The following ZFYVE16 variants were observed in gnomAD, a reference collection of about 807,000 sequenced individuals.
ZFYVE16 encodes zinc finger FYVE-type containing 16, also known as zinc finger FYVE domain-containing protein 16.
Under a neutral mutation model 138.1 loss-of-function variants are expected in ZFYVE16, and 89 were observed. The ratio of observed to expected loss-of-function variants is 0.64; its 90% CI spans 0.54 to 0.77. The LOEUF (loss-of-function observed/expected upper bound fraction) is 0.77. Ranked by LOEUF, ZFYVE16 falls within the 30% of genes least tolerant of loss-of-function variation. ZFYVE16 has a pLI of 0.00. For synonymous variants in ZFYVE16, 596 were observed against 618.3 expected (o/e 0.96, Z 0.53); for missense variants, 1,793 against 1,786.7 (o/e 1.00, Z -0.06).
chr5:80,449,747 G>T, intron 9 of ZFYVE16, 34 bp downstream of exon 9: 2 of 1,548,274 alleles, frequency 1.3e-6, no homozygotes, highest in Non-Finnish European at 8.7e-7. Flanking sequence ...TGCTTAATTG[G>T]TAAGCAGGAT....
Position 80,448,308 on chromosome 5 carries a change from GA to G in ZFYVE16, c.3008del (p.Asp1003ValfsTer35). The G allele has an allele frequency of 6.2e-7, 1 of 1,612,496 alleles. No individual in the cohort carries two copies. On this transcript the variant is annotated frameshift_variant, in exon 8 of 19. Coordinates refer to ENST00000505560, the MANE Select transcript of ZFYVE16 (RefSeq NM_001284236.3). LOFTEE classifies it high-confidence loss of function. Reference protein sequence around the residue: ...ASISDYRLLCDINKYVCNKIS... With the variant: ...ASISDYRLLCXINKYVCNKIS... ...TATTTCAGATTATAGGTTACTGTGT[GA>G]TATTAACAAGTATGTCTGCAATAAG...
At position 80,479,446 on chromosome 5, in the gene ZFYVE16, G is replaced by A. The variant is rs780288904; in HGVS notation, c.*2069G>A. ...CAAAAATTTCTAAAAATGATTAATT[G>A]TTCTGACAGAATTAGGCGTAGTTCT... On this transcript the variant is annotated 3_prime_UTR_variant, in exon 19 of 19. Transcript: ENST00000505560. The A allele has an allele frequency of 2.0e-5, 3 of 152,182 alleles. No individual in the cohort carries two copies. The highest frequency in any genetic ancestry group is 2.9e-5 in the Non-Finnish European group (2 of 68,014). 9.4% of individuals were successfully genotyped at this position (152,182 alleles called of 1,614,324 possible).
At chr5:80,449,876 C>T (rs964564725) in intron 9 of ZFYVE16, among the ~76,000 whole-genome samples, 163 bp downstream of exon 9, 3 of 152,058 alleles carry the variant, frequency 2.0e-5, no homozygotes, top group African/African-American at 7.2e-5. Context: ...AATTTATGTT[C>T]AGTAGGACTT....
At chr5:80,422,854 G>T (rs928855350) in intron 1 of ZFYVE16, among the ~76,000 whole-genome samples, 1 of 152,118 alleles carries the variant, frequency 6.6e-6, no homozygotes, top group Non-Finnish European at 1.5e-5. Flanking sequence ...TGTTGAACCA[G>T]CCTTGCATAC....
In ZFYVE16 at chr5:80,449,586, T is replaced by C; in HGVS notation, c.3104-5T>C. ...CCTGATTAATATATTACTTTCATCA[T>C]TTAGTGCCTGTAGTAGAAGAACATC... On this transcript the variant is annotated splice_polypyrimidine_tract_variant and splice_region_variant and intron_variant, in intron 8 of 18. Coordinates refer to ENST00000505560, the MANE Select transcript of ZFYVE16 (RefSeq NM_001284236.3). 1 of 1,604,222 alleles carries C rather than the reference T, an allele frequency of 6.2e-7. No individual in the cohort carries two copies. The highest frequency in any genetic ancestry group is 1.1e-5 in the South Asian group (1 of 88,964).
rs2112476844 is a variant in ZFYVE16, at chr5:80,456,500, C to T, written c.3730C>T (p.Gln1244Ter). The T allele has an allele frequency of 6.2e-7, 1 of 1,612,934 alleles. No homozygotes were observed. Among genetic ancestry groups the T allele is most frequent in the Middle Eastern group, 1.7e-4 (1 of 6,054 alleles). The change falls in exon 13 of 19, where the codon CAA becomes TAA. Residue 1244 changes from glutamine (Q) to a stop codon, truncating the protein, a stop_gained. Coordinates refer to ENST00000505560, the MANE Select transcript of ZFYVE16 (RefSeq NM_001284236.3). LOFTEE classifies it high-confidence loss of function. ...CCAGTATACCTTGCATAATATAGAT[C>T]AACTGTTGATTCATATGGAAATGGG... The part of the protein sequence containing the change: ...NYQYTLHNID[Q>*]LLIHMEMGKS...
In ZFYVE16 at chr5:80,437,657, C is replaced by A. The variant is rs138549732; in HGVS notation, c.972C>A (p.Phe324Leu). The A allele has an allele frequency of 7.4e-6, 12 of 1,611,320 alleles. No individual in the cohort carries two copies. In the African/African-American group the frequency reaches 1.6e-4, roughly 22 times the overall value. ...ATTCAAATTCAAGAGATGAAAATTTCAAATTACCTGACTTTTCCTTTCAGG... is the reference window on the plus strand; with the variant it reads ...ATTCAAATTCAAGAGATGAAAATTTAAAATTACCTGACTTTTCCTTTCAGG... ...LNDSNSRDEN[F>L]KLPDFSFQED... The change falls in exon 4 of 19, where the codon TTC becomes TTA. Residue 324 changes from phenylalanine to leucine, a missense_variant. This residue lies in a region of ZFYVE16 where 1,295 missense variants were observed against 1,204.3 expected (regional missense o/e 1.08). Coordinates refer to ENST00000505560, the MANE Select transcript of ZFYVE16 (RefSeq NM_001284236.3).
chr5:80,432,197 A>G (rs1481607806), intron 2 of ZFYVE16, among the ~76,000 whole-genome samples: 1 of 152,228 alleles, frequency 6.6e-6, no homozygotes, highest in African/African-American at 2.4e-5. Flanking sequence ...CTACAAGGCT[A>G]CAGTAACCAA....
Position 80,438,011 on chromosome 5 carries a change from A to T in ZFYVE16, c.1326A>T (p.Ile442=). ...TGAAACAGGAAAAATGTAAAAGCAT[A>T]CTCCTTCAGTCATTAATTGAAGGGA... ...DLLKQEKCKS[I]LLQSLIEGME... Residue 442 remains isoleucine, a synonymous_variant, in exon 4 of 19, where the codon ATA becomes ATT. Coordinates refer to ENST00000505560, the MANE Select transcript of ZFYVE16 (RefSeq NM_001284236.3). The T allele has an allele frequency of 6.2e-7, 1 of 1,613,960 alleles. No homozygotes were observed. The highest frequency in any genetic ancestry group is 8.5e-7 in the Non-Finnish European group (1 of 1,179,948).
intron 2 of ZFYVE16, among the ~76,000 whole-genome samples, chr5:80,428,430 G>A (rs1422932640): frequency 6.6e-6 from 1 of 152,122 alleles, no homozygotes; most frequent in Admixed American, 6.5e-5. Context: ...AAACAGAAAG[G>A]ACATCCACAC....
Position 80,437,167 on chromosome 5 carries a change from TGATTGGATTG to T in ZFYVE16, c.487_496del (p.Gly163TyrfsTer44). 1 of 1,614,064 alleles carries T rather than the reference TGATTGGATTG, an allele frequency of 6.2e-7. No individual in the cohort carries two copies. Among genetic ancestry groups the T allele is most frequent in the Non-Finnish European group, 8.5e-7 (1 of 1,179,980 alleles). ...GATTTTAAGTCTAATGCAGATTCCT[TGATTGGATTG>T]GATTTATCTTCAGTGTCAGATACTC... On this transcript the variant is annotated frameshift_variant, in exon 4 of 19. Transcript: ENST00000505560. LOFTEE classifies it high-confidence loss of function.
At chr5:80,456,611 G>C (rs755294910) in intron 13 of ZFYVE16, 46 bp downstream of exon 13, 5 of 1,518,146 alleles carry the variant, frequency 3.3e-6, no homozygotes, top group Admixed American at 3.6e-5. Flanking sequence ...GAACATTAGA[G>C]TTCCCTTAGA....
chr5:80,426,236 GTGTGTC>G (rs1748003367), intron 1 of ZFYVE16, among the ~76,000 whole-genome samples: 4 of 131,252 alleles, frequency 3.0e-5, no homozygotes, highest in African/African-American at 1.2e-4. Flanking sequence ...GTGTATGTGT[GTGTGTC>G]TGTGTGTGTG....
At chr5:80,453,989 A>G (rs1019405588) in intron 11 of ZFYVE16, 1 of 152,208 alleles carries the variant, frequency 6.6e-6, no homozygotes, top group Non-Finnish European at 1.5e-5. Context: ...ACCTCTTCAT[A>G]TTGCAAAGGT....
chr5:80,409,739 G>C (rs1464159822), intron 1 of ZFYVE16: 1 of 152,208 alleles, frequency 6.6e-6, no homozygotes, highest in Non-Finnish European at 1.5e-5. Flanking sequence ...TACGTAGCAG[G>C]AAAAGCGAGG....
At position 80,459,422 on chromosome 5, in the gene ZFYVE16, G is replaced by A. The variant is rs1289021675; in HGVS notation, c.3952G>A (p.Ala1318Thr). Residue 1318 changes from alanine to threonine, a missense_variant, in exon 15 of 19, where the codon GCA becomes ACA. Physicochemically the swap from Ala to Thr is moderately conservative, Grantham distance 58. Around this residue, in one of 2 missense-constraint regions of ZFYVE16, gnomAD observed 498 missense variants for 582.4 expected, o/e 0.86. Coordinates refer to ENST00000505560, the MANE Select transcript of ZFYVE16 (RefSeq NM_001284236.3). ...TTGTATTTCTTGATCAGTGACAGGT[G>A]CAAGTTTTGTGGTATTCAATGGAGC... ...ATGHPRKVTG[A>T]SFVVFNGALK... 1 of 1,612,406 alleles carries A rather than the reference G, an allele frequency of 6.2e-7. No homozygotes were observed. Among genetic ancestry groups the A allele is most frequent in the Non-Finnish European group, 8.5e-7 (1 of 1,179,274 alleles).
intron 3 of ZFYVE16, among the ~76,000 whole-genome samples, chr5:80,435,253 T>C (rs77943224): frequency 6.6e-6 from 1 of 152,158 alleles, no homozygotes; most frequent in South Asian, 2.1e-4. Flanking sequence ...TAGGCTGGTC[T>C]CGAACTCCTG....
intron 18 of ZFYVE16, 95 bp from the exon 19 acceptor site, chr5:80,477,124 G>T: frequency 9.6e-7 from 1 of 1,037,450 alleles, no homozygotes; most frequent in South Asian, 1.6e-5. Context: ...TAACATGCTT[G>T]AACTGTATTT....
At chr5:80,465,448 C>T (rs1753647113) in intron 15 of ZFYVE16, among the ~76,000 whole-genome samples, 1 of 49,374 alleles carries the variant, frequency 2.0e-5, no homozygotes, top group South Asian at 6.8e-4. Context: ...GCTTTGTCAC[C>T]CTGGCTGGAG....
Sources: allele counts gnomAD v4.1 joint callset (sites outside exome capture counted in the v4.1 genomes callset), GRCh38; gene constraint gnomAD v4.1.1; regional missense constraint gnomAD v4.1.1; transcripts MANE v1.5; gene names NCBI Gene and HGNC (gene_info 2026-07-23, HGNC 2026-07-21).